ASB5: variants seen among roughly 807,000 people sequenced by gnomAD.
ASB5 encodes the protein ankyrin repeat and SOCS box protein 5.
In ASB5, 45 loss-of-function variants were observed where a neutral mutation model predicts 42.1. That is an observed-to-expected ratio of 1.07 (90% CI 0.84 to 1.37). The LOEUF (loss-of-function observed/expected upper bound fraction) is 1.37. Among genes scored for constraint, ASB5 ranks in the 40% most tolerant of loss-of-function variants. The probability of loss-of-function intolerance (pLI) is 0.00; values close to 1 mark genes in which losing one functional copy is unlikely to be tolerated. For missense variants in ASB5, 402 were observed against 399.8 expected (o/e 1.01, Z -0.05); for synonymous variants, 147 against 150.6 (o/e 0.98, Z 0.18).
intron 1 of ASB5, among the ~76,000 whole-genome samples, chr4:176,230,293 C>A (rs1753500909): frequency 6.6e-6 from 1 of 152,110 alleles, no homozygotes; most frequent in South Asian, 2.1e-4. Context: ...TAAACAACAT[C>A]ATTTATTGAC....
intron 1 of ASB5, among the ~76,000 whole-genome samples, chr4:176,265,510 G>C (rs1754340637): frequency 6.6e-6 from 1 of 152,020 alleles, no homozygotes; most frequent in Admixed American, 6.6e-5. Flanking sequence ...TGATATCATG[G>C]GTGCTCAAAA....
intron 2 of ASB5, among the ~76,000 whole-genome samples, chr4:176,222,885 C>A (rs188186632): frequency 6.6e-6 from 1 of 152,076 alleles, no homozygotes; most frequent in Non-Finnish European, 1.5e-5. Flanking sequence ...TCATGCCATT[C>A]TCCTGCCTCA....
intron 1 of ASB5, among the ~76,000 whole-genome samples, chr4:176,256,043 T>A (rs1421546760): frequency 6.6e-6 from 1 of 152,218 alleles, no homozygotes. Context: ...CTGAAACTTT[T>A]AGGGGCTGTC....
chr4:176,243,016 T>C (rs1164648797), intron 1 of ASB5, among the ~76,000 whole-genome samples: 1 of 152,214 alleles, frequency 6.6e-6, no homozygotes, highest in Non-Finnish European at 1.5e-5. Flanking sequence ...CTCAATTGTT[T>C]ATATATTATC....
intron 1 of ASB5, among the ~76,000 whole-genome samples, chr4:176,262,490 T>C (rs183162618): frequency 6.0e-4 from 91 of 152,308 alleles, no homozygotes; most frequent in African/African-American, 2.0e-3. Flanking sequence ...TGAGAGAATG[T>C]GTGTATTGTT....
At position 176,257,063 on chromosome 4, in the gene ASB5, T is replaced by C. The variant is rs945635298; in HGVS notation, c.196+11850A>G. ...TGACATTAGATTTTGTCTTTCACTA[T>C]CAGCTGCCAGAGATTATGAGAAAAT... On this transcript the variant is annotated intron_variant, in intron 1 of 6. Transcript: ENST00000296525. 4.6e-5 allele frequency among the ~76,000 whole-genome samples: 7 copies of C among 152,188 alleles called. No individual in the cohort carries two copies. In the South Asian group the frequency reaches 1.4e-3, roughly 32 times the overall value.
intron 1 of ASB5, among the ~76,000 whole-genome samples, chr4:176,262,548 G>A (rs1431423813): frequency 6.6e-6 from 1 of 152,148 alleles, no homozygotes; most frequent in Non-Finnish European, 1.5e-5. Flanking sequence ...ACCATTCTTA[G>A]CTCTACATAC....
chr4:176,268,921 T>G lies in ASB5; in HGVS notation c.188A>C (p.Gln63Pro). The change falls in exon 1 of 7, where the codon CAA becomes CCA. Residue 63 changes from glutamine (Q) to proline (P), a missense_variant. Gln to Pro is a moderately conservative substitution (Grantham distance 76). Transcript: ENST00000296525. ...GATTATCATAAACATACCTTGTCCT[T>G]GGGTTACTCCATAAAATTCAGCTGC... The part of the protein sequence containing the change: ...RIAAEFYGVT[Q>P]GQGSWADRSP... 1.2e-6 allele frequency: 2 copies of G among 1,610,076 alleles called. No homozygotes were observed. Among genetic ancestry groups the G allele is most frequent in the Non-Finnish European group, 1.7e-6 (2 of 1,178,154 alleles).
intron 1 of ASB5, among the ~76,000 whole-genome samples, chr4:176,231,957 C>T (rs1250614253): frequency 1.3e-5 from 2 of 152,068 alleles, no homozygotes; most frequent in African/African-American, 4.8e-5. Flanking sequence ...AGCAATGGTG[C>T]AGAGTTTAGC....
chr4:176,270,522 T>C (rs1754449739), upstream of ASB5, among the ~76,000 whole-genome samples: 1 of 152,032 alleles, frequency 6.6e-6, no homozygotes, highest in African/African-American at 2.4e-5. Context: ...TGAATGGCTC[T>C]CAGAAAATAA....
chr4:176,272,920 T>C (rs1369000215), upstream of ASB5, among the ~76,000 whole-genome samples: 1 of 151,192 alleles, frequency 6.6e-6, no homozygotes, highest in Admixed American at 6.6e-5. Context: ...GAGGGAAATA[T>C]AGTGACCCAC....
chr4:176,251,564 TAA>T (rs34392287), intron 1 of ASB5, among the ~76,000 whole-genome samples: 27 of 10,354 alleles, frequency 2.6e-3, no homozygotes, highest in African/African-American at 9.5e-3. Flanking sequence ...TCTGTCTCAT[TAA>T]AAAAAAAAAA....
Position 176,268,945 on chromosome 4 carries a change from G to T in ASB5, c.164C>A (p.Ala55Glu). ...KGNRKEAARI[A>E]AEFYGVTQGQ... ...TTGGGTTACTCCATAAAATTCAGCTGCTATCCTTGCCGCTTCCTTGCGGTT... is the reference window on the plus strand; with the variant it reads ...TTGGGTTACTCCATAAAATTCAGCTTCTATCCTTGCCGCTTCCTTGCGGTT... The change falls in exon 1 of 7, where the codon GCA becomes GAA. Residue 55 changes from alanine (A) to glutamate (E), a missense_variant. Physicochemically the swap from Ala to Glu is moderately radical, Grantham distance 107. Transcript: ENST00000296525. 6.2e-7 allele frequency: 1 copy of T among 1,612,684 alleles called. No individual in the cohort carries two copies. Among genetic ancestry groups the T allele is most frequent in the Non-Finnish European group, 8.5e-7 (1 of 1,179,342 alleles).
At chr4:176,266,920 A>T (rs114110955) in intron 1 of ASB5, among the ~76,000 whole-genome samples, 51 of 152,310 alleles carry the variant, frequency 3.3e-4, no homozygotes, top group African/African-American at 1.2e-3. Flanking sequence ...AAACCATTGC[A>T]TATATTCCCA....
chr4:176,261,137 T>C (rs75616989), intron 1 of ASB5, among the ~76,000 whole-genome samples: 4,619 of 152,268 alleles, frequency 0.03, 222 homozygotes, highest in African/African-American at 0.1. Context: ...TCTTCTCTCC[T>C]CTGCAGTTTA....
chr4:176,230,312 T>C (rs1579317764), intron 1 of ASB5, among the ~76,000 whole-genome samples: 1 of 152,268 alleles, frequency 6.6e-6, no homozygotes, highest in African/African-American at 2.4e-5. Flanking sequence ...ACTAAAATAT[T>C]TTTGTGTGCT....
upstream of ASB5, among the ~76,000 whole-genome samples, chr4:176,273,429 C>T (rs1233278486): frequency 6.6e-6 from 1 of 151,876 alleles, no homozygotes; most frequent in Non-Finnish European, 1.5e-5. Context: ...AAACATAATC[C>T]TCATTTTTTT....
chr4:176,264,379 AT>A (rs1424744797), intron 1 of ASB5, among the ~76,000 whole-genome samples: 1 of 151,920 alleles, frequency 6.6e-6, no homozygotes, highest in Non-Finnish European at 1.5e-5. Context: ...CAAGATGCAA[AT>A]ATATTAATTT....
chr4:176,235,193 A>C (rs1026336254), intron 1 of ASB5, among the ~76,000 whole-genome samples: 1 of 152,210 alleles, frequency 6.6e-6, no homozygotes, highest in Non-Finnish European at 1.5e-5. Flanking sequence ...TGTGTTTTCT[A>C]CATTTTCATA....
Sources: allele counts gnomAD v4.1 joint callset (sites outside exome capture counted in the v4.1 genomes callset), GRCh38; gene constraint gnomAD v4.1.1; transcripts MANE v1.5; gene names NCBI Gene and HGNC (gene_info 2026-07-23, HGNC 2026-07-21).